Variants in PIK3AP1 observed in about 807,000 individuals in gnomAD.
The protein encoded by PIK3AP1 is phosphoinositide-3-kinase adaptor protein 1, also known as phosphoinositide 3-kinase adapter protein 1.
Under a neutral mutation model 88.1 loss-of-function variants are expected in PIK3AP1, and 21 were observed. That is an observed-to-expected ratio of 0.24 (90% confidence interval 0.17 to 0.34). The LOEUF is 0.34. Among genes scored for constraint, PIK3AP1 ranks in the 10% least tolerant of loss-of-function variants. The probability of loss-of-function intolerance (pLI) is 1.00; values close to 1 mark genes in which losing one functional copy is unlikely to be tolerated. For synonymous variants in PIK3AP1, 398 were observed against 400.0 expected (o/e 1.00, Z 0.06); for missense variants, 828 against 1,035.7 (o/e 0.80, Z 2.75).
chr10:96,635,054 T>G (rs1282327581), intron 8 of PIK3AP1, among the ~76,000 whole-genome samples: 1 of 152,204 alleles, frequency 6.6e-6, no homozygotes, highest in African/African-American at 2.4e-5. Context: ...TAAGGACCTT[T>G]TTGATTATAT....
intron 2 of PIK3AP1, among the ~76,000 whole-genome samples, chr10:96,672,686 G>A (rs193113590): frequency 6.7e-6 from 1 of 149,232 alleles, no homozygotes; most frequent in East Asian, 2.1e-4. Context: ...ACCAATGAAA[G>A]CACCGTGGTG....
chr10:96,684,920 C>G (rs1844049662), intron 2 of PIK3AP1, among the ~76,000 whole-genome samples: 1 of 152,128 alleles, frequency 6.6e-6, no homozygotes, highest in African/African-American at 2.4e-5. Flanking sequence ...AAGAGTTGAA[C>G]CAATACATGC....
At chr10:96,696,777 T>C (rs1054731185) in intron 2 of PIK3AP1, among the ~76,000 whole-genome samples, 7 of 152,232 alleles carry the variant, frequency 4.6e-5, no homozygotes, top group Non-Finnish European at 1.0e-4. Context: ...CTAATGTCCA[T>C]AAACAGAAAG....
In PIK3AP1 at chr10:96,628,821, C is replaced by T. The variant is rs114047164; in HGVS notation, c.1376-328G>A. 4.9e-3 allele frequency among the ~76,000 whole-genome samples: 718 copies of T among 147,526 alleles called. 10 individuals are homozygous for T. Among genetic ancestry groups the T allele is most frequent in the African/African-American group, 0.017 (690 of 39,562 alleles). ...ACAGAAAAAAATGGAAGCAGGAATACATTGTGTTTTATATATACATATAAA... is the reference window on the plus strand; with the variant it reads ...ACAGAAAAAAATGGAAGCAGGAATATATTGTGTTTTATATATACATATAAA... On this transcript the variant is annotated intron_variant, in intron 8 of 16. Coordinates refer to ENST00000339364, the MANE Select transcript of PIK3AP1 (RefSeq NM_152309.3).
intron 6 of PIK3AP1, 56 bp from the exon 7 acceptor site, chr10:96,648,911 C>A (rs1843497641): frequency 7.0e-7 from 1 of 1,429,350 alleles, no homozygotes; most frequent in Non-Finnish European, 9.3e-7. Flanking sequence ...CACAGGGTGC[C>A]CTTGTTCATG....
chr10:96,702,182 A>T (rs998319081), intron 2 of PIK3AP1, among the ~76,000 whole-genome samples: 8 of 152,182 alleles, frequency 5.3e-5, no homozygotes, highest in Non-Finnish European at 1.2e-4. Context: ...ATGCTGGTCA[A>T]AGAGTTGAAC....
intron 7 of PIK3AP1, among the ~76,000 whole-genome samples, chr10:96,647,452 T>G (rs1347842388): frequency 6.6e-6 from 1 of 152,216 alleles, no homozygotes; most frequent in African/African-American, 2.4e-5. Context: ...ATGAACACAG[T>G]AGGTTATTAA....
intron 8 of PIK3AP1, among the ~76,000 whole-genome samples, chr10:96,642,372 G>A (rs1346484018): frequency 6.4e-5 from 9 of 140,642 alleles, no homozygotes; most frequent in Non-Finnish European, 1.4e-4. Flanking sequence ...GTTACAGGGA[G>A]CTGAGATTGT....
At chr10:96,629,909 CAAA>C (rs66669261) in intron 8 of PIK3AP1, among the ~76,000 whole-genome samples, 5 of 5,416 alleles carry the variant, frequency 9.2e-4, no homozygotes, top group Non-Finnish European at 4.9e-3. Flanking sequence ...CAACAACAAC[CAAA>C]AAAAAAAAAA....
chr10:96,671,192 G>A (rs1843841185), intron 2 of PIK3AP1, among the ~76,000 whole-genome samples: 1 of 152,198 alleles, frequency 6.6e-6, no homozygotes, highest in Admixed American at 6.5e-5. Context: ...CAGATTCCCA[G>A]TGTGTGGACC....
chr10:96,656,521 G>A (rs916656077), intron 3 of PIK3AP1, among the ~76,000 whole-genome samples: 1 of 152,168 alleles, frequency 6.6e-6, no homozygotes, highest in African/African-American at 2.4e-5. Context: ...GAATGCTCCT[G>A]TCTGCTGGTC....
intron 2 of PIK3AP1, among the ~76,000 whole-genome samples, chr10:96,690,333 G>A (rs530162821): frequency 1.4e-4 from 22 of 152,272 alleles, no homozygotes; most frequent in African/African-American, 5.1e-4. Context: ...TGCAATCACA[G>A]CTCACTGCAG....
intron 2 of PIK3AP1, among the ~76,000 whole-genome samples, chr10:96,674,370 C>G (rs945074913): frequency 7.9e-5 from 12 of 152,204 alleles, no homozygotes; most frequent in Admixed American, 6.5e-4. Flanking sequence ...GCTTCAATTT[C>G]CTCTCCTTTA....
At chr10:96,623,624 A>C in intron 10 of PIK3AP1, 87 bp from the exon 11 acceptor site, 2 of 1,161,546 alleles carry the variant, frequency 1.7e-6, no homozygotes, top group Non-Finnish European at 2.5e-6. Context: ...ACCTAGGACC[A>C]CCGTATGTGG....
intron 2 of PIK3AP1, among the ~76,000 whole-genome samples, chr10:96,667,075 T>G (rs1843773957): frequency 1.3e-5 from 2 of 152,258 alleles, no homozygotes; most frequent in Non-Finnish European, 2.9e-5. Context: ...CCTGCCACCA[T>G]GGCAAATGGG....
At position 96,720,099 on chromosome 10, in the gene PIK3AP1, C is replaced by T. The variant is rs1844551821; in HGVS notation, c.13+283G>A. Among the ~76,000 whole-genome samples, 1 of 152,184 alleles carries T rather than the reference C, an allele frequency of 6.6e-6. No individual in the cohort carries two copies. On this transcript the variant is annotated intron_variant, in intron 1 of 16. Transcript: ENST00000339364. This position sits in a 1 kb window ranked among gnomAD's most constrained non-coding sequence, Gnocchi z 4.6. ...AGGGACAGGGGAAGCGACGCTCAGA[C>T]ACTCCTAGGGCCAGAGGTGGAGGGA... is the stretch of plus-strand genomic sequence containing the variant.
At chr10:96,624,519 G>A (rs1160141441) in intron 10 of PIK3AP1, among the ~76,000 whole-genome samples, 1 of 152,082 alleles carries the variant, frequency 6.6e-6, no homozygotes, top group Non-Finnish European at 1.5e-5. Flanking sequence ...TATAGATGAG[G>A]AAACTAAAGC....
chr10:96,666,533 T>C (rs937497722), intron 2 of PIK3AP1, among the ~76,000 whole-genome samples: 2 of 152,196 alleles, frequency 1.3e-5, no homozygotes, highest in Non-Finnish European at 1.5e-5. Context: ...AAGGGGAATC[T>C]ATACACTATT....
chr10:96,654,406 AAGGGCCATGAG>A (rs1465878450), intron 3 of PIK3AP1, among the ~76,000 whole-genome samples: 1 of 152,068 alleles, frequency 6.6e-6, no homozygotes, highest in Non-Finnish European at 1.5e-5. Flanking sequence ...CCTTCATGAC[AAGGGCCATGAG>A]AGGGTGTGGC....
Sources: gnomAD v4.1 joint callset for allele counts (sites outside exome capture counted in the v4.1 genomes callset) on GRCh38, gnomAD v4.1.1 for gene constraint, Gnocchi (gnomAD v3.1) non-coding constraint, MANE v1.5 for transcripts, NCBI Gene and HGNC (gene_info 2026-07-23, HGNC 2026-07-21) for gene names.